Variants in KCNQ1 observed in about 807,000 individuals in gnomAD.
The protein encoded by KCNQ1 is potassium voltage-gated channel subfamily KQT member 1.
A neutral mutation model predicts 72.4 loss-of-function variants in KCNQ1; 49 were observed. The ratio of observed to expected loss-of-function variants is 0.68; its 90% CI spans 0.54 to 0.86. The LOEUF (loss-of-function observed/expected upper bound fraction) is 0.86. Among genes scored for constraint, KCNQ1 ranks in the 40% least tolerant of loss-of-function variants. KCNQ1 has a pLI of 0.00. For missense variants in KCNQ1, 790 were observed against 945.1 expected, an observed-to-expected ratio of 0.84 and a Z score of 2.15; for synonymous variants, 450 against 412.6, an observed-to-expected ratio of 1.09 and a Z score of -1.10.
chr11:2,626,641 A>G lies in KCNQ1; in HGVS notation c.1394-35320A>G. ...TCTCCCAGGCTCAAGCAATCCTCCC[A>G]CCTCGGCTTCTTGAGTAGCTGGGAA... On this transcript the variant is annotated intron_variant, in intron 10 of 15. Transcript: ENST00000155840. The surrounding 1 kb of genome is among the most constrained non-coding windows in gnomAD (Gnocchi z 4.0). 1 of 398,450 alleles carries G rather than the reference A, an allele frequency of 2.5e-6. No individual in the cohort carries two copies. The highest frequency in any genetic ancestry group is 4.4e-6 in the Non-Finnish European group (1 of 226,052). 24.7% of individuals were successfully genotyped at this position (398,450 alleles called of 1,614,324 possible). A position where few individuals can be genotyped will look rare whatever the true frequency, so the allele number is the denominator to read the frequency against.
chr11:2,715,819 C>T lies in KCNQ1; in HGVS notation c.1515-53025C>T, dbSNP rs922262369. Among the ~76,000 whole-genome samples the T allele has an allele frequency of 6.6e-6, 1 of 152,244 alleles. No homozygotes were observed. Among genetic ancestry groups the T allele is most frequent in the Non-Finnish European group, 1.5e-5 (1 of 68,038 alleles). On this transcript the variant is annotated intron_variant, in intron 11 of 15. Transcript: ENST00000155840. This position sits in a 1 kb window ranked among gnomAD's most constrained non-coding sequence, Gnocchi z 4.9. ...GCCCCGCATCCCACATCCCCGCAGC[C>T]TTGCGCTGGTCTAAATGCCTCCCAG...
chr11:2,681,749 G>T (rs1184374789), intron 11 of KCNQ1: 2 of 398,120 alleles, frequency 5.0e-6, no homozygotes, highest in Non-Finnish European at 8.8e-6. Flanking sequence ...TCACACACCA[G>T]GGCACTGTGG....
Position 2,695,728 on chromosome 11 carries a change from C to A in KCNQ1, c.1514+33647C>A. 1 of 398,666 alleles carries A rather than the reference C, an allele frequency of 2.5e-6. No homozygotes were observed. The highest frequency in any genetic ancestry group is 4.4e-6 in the Non-Finnish European group (1 of 226,086). The allele number at this position is 398,666 out of a possible 1,614,324, so 24.7% of individuals were successfully genotyped here. A position where few individuals can be genotyped will look rare whatever the true frequency, so the allele number is the denominator to read the frequency against. ...TGTCTCCGTCCCCACCTGCAGCACA[C>A]AGGGAGGCTTGTTCCTTGCCTTCTG... is the stretch of plus-strand genomic sequence containing the variant. On this transcript the variant is annotated intron_variant, in intron 11 of 15. Coordinates refer to ENST00000155840, the MANE Select transcript of KCNQ1 (RefSeq NM_000218.3). This position sits in a 1 kb window ranked among gnomAD's most constrained non-coding sequence, Gnocchi z 5.2.
At position 2,628,430 on chromosome 11, in the gene KCNQ1, G is replaced by A. The variant is rs544501494; in HGVS notation, c.1394-33531G>A. 116 of 398,384 alleles carry A rather than the reference G, an allele frequency of 2.9e-4. No individual in the cohort carries two copies. The Middle Eastern group carries it at 3.8e-3, about 13-fold the overall frequency. 24.7% of individuals were successfully genotyped at this position (398,384 alleles called of 1,614,324 possible). On this transcript the variant is annotated intron_variant, in intron 10 of 15. Transcript: ENST00000155840. ...TTATATACCTGTTGACCATCTGTATGTCTTCTTTGAATAAATGTCTATTCA... is the reference window on the plus strand; with the variant it reads ...TTATATACCTGTTGACCATCTGTATATCTTCTTTGAATAAATGTCTATTCA...
chr11:2,757,848 A>G (rs1442556511), intron 11 of KCNQ1, among the ~76,000 whole-genome samples: 1 of 152,226 alleles, frequency 6.6e-6, no homozygotes, highest in East Asian at 1.9e-4. Context: ...GCAGTTGGTC[A>G]TTCATAGGCC....
At chr11:2,650,653 T>C in intron 10 of KCNQ1, 1 of 398,674 alleles carries the variant, frequency 2.5e-6, no homozygotes, top group Non-Finnish European at 4.4e-6. Flanking sequence ...CTTCAAACTT[T>C]TTGACAAAGC....
At chr11:2,540,659 A>G (rs1161688513) in intron 2 of KCNQ1, among the ~76,000 whole-genome samples, 1 of 152,212 alleles carries the variant, frequency 6.6e-6, no homozygotes, top group Non-Finnish European at 1.5e-5. Context: ...ACTGGGGACA[A>G]TAGTCTCCTC....
At chr11:2,729,728 C>T (rs1327628633) in intron 11 of KCNQ1, among the ~76,000 whole-genome samples, 2 of 152,166 alleles carry the variant, frequency 1.3e-5, no homozygotes, top group African/African-American at 4.8e-5. Flanking sequence ...CACACCATTT[C>T]GTATCGGGGG....
In KCNQ1 at chr11:2,745,432, A is replaced by G. The variant is rs1846122167; in HGVS notation, c.1515-23412A>G. Among the ~76,000 whole-genome samples, 1 of 152,166 alleles carries G rather than the reference A, an allele frequency of 6.6e-6. No individual in the cohort carries two copies. Among genetic ancestry groups the G allele is most frequent in the South Asian group, 2.1e-4 (1 of 4,834 alleles). On this transcript the variant is annotated intron_variant, in intron 11 of 15. Transcript: ENST00000155840. The surrounding 1 kb of genome is among the most constrained non-coding windows in gnomAD (Gnocchi z 6.2). ...TTTCTCCCAGGAGTTTATTGCTGGT[A>G]TAAAGAAATGCCATTGATTTGGGGG...
At position 2,617,817 on chromosome 11, in the gene KCNQ1, C is replaced by T; in HGVS notation, c.1393+28963C>T. The T allele has an allele frequency of 2.5e-6, 1 of 398,460 alleles. No homozygotes were observed. The highest frequency in any genetic ancestry group is 4.4e-6 in the Non-Finnish European group (1 of 226,004). 24.7% of individuals were successfully genotyped at this position (398,460 alleles called of 1,614,324 possible). ...AAATGTCTTTTCATATATGTGTTTGCCATTTTTATAACTTCTTTGCAAAAA... is the reference window on the plus strand; with the variant it reads ...AAATGTCTTTTCATATATGTGTTTGTCATTTTTATAACTTCTTTGCAAAAA... On this transcript the variant is annotated intron_variant, in intron 10 of 15. Coordinates refer to ENST00000155840, the MANE Select transcript of KCNQ1 (RefSeq NM_000218.3). The surrounding 1 kb of genome is among the most constrained non-coding windows in gnomAD (Gnocchi z 4.6).
rs57302035 is a variant in KCNQ1 at position 2,544,266 on chromosome 11, G to A, written c.477+16248G>A. 0.42 allele frequency among the ~76,000 whole-genome samples: 57,383 copies of A among 136,834 alleles called. 13,952 individuals are homozygous for A. The highest frequency in any genetic ancestry group is 0.69 in the African/African-American group (23,908 of 34,788). 89.8% of individuals were successfully genotyped at this position (136,834 alleles called of 152,430 possible). A position where few individuals can be genotyped will look rare whatever the true frequency, so the allele number is the denominator to read the frequency against. On this transcript the variant is annotated intron_variant, in intron 2 of 15. Coordinates refer to ENST00000155840, the MANE Select transcript of KCNQ1 (RefSeq NM_000218.3). This position sits in a 1 kb window ranked among gnomAD's most constrained non-coding sequence, Gnocchi z 4.4. ...TGTGTGTGTATATATATATGTGTGT[G>A]TGTGTATATATATGTGTATATATAT...
chr11:2,568,487 G>A (rs992921284), intron 2 of KCNQ1, among the ~76,000 whole-genome samples: 6 of 152,116 alleles, frequency 3.9e-5, no homozygotes, highest in Admixed American at 1.3e-4. Context: ...CTGTGTTTCC[G>A]TGGCCTTTTT....
rs894775356 is a variant in KCNQ1 at position 2,713,270 on chromosome 11, G to A, written c.1514+51189G>A. 1.3e-5 allele frequency among the ~76,000 whole-genome samples: 2 copies of A among 152,138 alleles called. No individual in the cohort carries two copies. Among genetic ancestry groups the A allele is most frequent in the African/African-American group, 2.4e-5 (1 of 41,438 alleles). On this transcript the variant is annotated intron_variant, in intron 11 of 15. Transcript: ENST00000155840. The surrounding 1 kb of genome is among the most constrained non-coding windows in gnomAD (Gnocchi z 5.6). ...CGCTCCTCCTCCGCTCCCTGGAAAC[G>A]TTCCCTGAATCACATTGTTCACTGC...
At chr11:2,694,630 TTCA>T (rs761336482) in intron 11 of KCNQ1, 14 of 398,588 alleles carry the variant, frequency 3.5e-5, no homozygotes, top group South Asian at 1.3e-4. Flanking sequence ...AATGAAACCA[TTCA>T]ACAGAAATCT....
Position 2,693,361 on chromosome 11 carries a change from C to T in KCNQ1, c.1514+31280C>T, listed in dbSNP as rs149414092. On this transcript the variant is annotated intron_variant, in intron 11 of 15. Transcript: ENST00000155840. ...AGCCAACCAGACCCTGGGTGGGGGC[C>T]GAGTCTGGCCAAGCAGCAGTGTGTG... 1.1e-3 allele frequency: 453 copies of T among 398,726 alleles called. 1 individual carries two copies. Among genetic ancestry groups the T allele is most frequent in the African/African-American group, 8.4e-3 (410 of 48,766 alleles). 24.7% of individuals were successfully genotyped at this position (398,726 alleles called of 1,614,324 possible). A position where few individuals can be genotyped will look rare whatever the true frequency, so the allele number is the denominator to read the frequency against.
intron 1 of KCNQ1, among the ~76,000 whole-genome samples, chr11:2,502,107 C>T (rs1847025100): frequency 6.6e-6 from 1 of 152,142 alleles, no homozygotes; most frequent in Non-Finnish European, 1.5e-5. Flanking sequence ...TGGGGAAAAA[C>T]TGAAGGCCTT....
chr11:2,459,964 A>C (rs1193617079), intron 1 of KCNQ1, among the ~76,000 whole-genome samples: 1 of 152,160 alleles, frequency 6.6e-6, no homozygotes, highest in Non-Finnish European at 1.5e-5. Context: ...AACTGAATTT[A>C]ATAGTAGCTG....
chr11:2,700,236 G>A (rs906121728), intron 11 of KCNQ1, among the ~76,000 whole-genome samples: 1 of 152,062 alleles, frequency 6.6e-6, no homozygotes, highest in South Asian at 2.1e-4. Flanking sequence ...TGGGTGTGAG[G>A]TGGCGCGAGC....
At chr11:2,708,492 A>T (rs1850948914) in intron 11 of KCNQ1, among the ~76,000 whole-genome samples, 1 of 152,204 alleles carries the variant, frequency 6.6e-6, no homozygotes, top group Non-Finnish European at 1.5e-5. Flanking sequence ...GGTGGAGCCC[A>T]GGCTTATCCC....
Sources: allele counts gnomAD v4.1 joint callset (sites outside exome capture counted in the v4.1 genomes callset), GRCh38; gene constraint gnomAD v4.1.1; non-coding constraint Gnocchi (gnomAD v3.1); transcripts MANE v1.5; gene names NCBI Gene and HGNC (gene_info 2026-07-23, HGNC 2026-07-21).